Variants in ETV6 observed in about 807,000 individuals in gnomAD.
The protein encoded by ETV6 is ETS variant transcription factor 6, also known as transcription factor ETV6.
Under a neutral mutation model 51.1 loss-of-function variants are expected in ETV6, and 16 were observed. The ratio of observed to expected loss-of-function variants is 0.31; its 90% CI spans 0.21 to 0.48. ETV6 has a LOEUF of 0.48. Among genes scored for constraint, ETV6 ranks in the 20% least tolerant of loss-of-function variants. The pLI is 0.99. For missense variants in ETV6, 458 were observed against 594.8 expected, an observed-to-expected ratio of 0.77 and a Z score of 2.39; for synonymous variants, 240 against 224.1, an observed-to-expected ratio of 1.07 and a Z score of -0.64.
intron 2 of ETV6, among the ~76,000 whole-genome samples, chr12:11,753,658 G>A (rs1473094135): frequency 6.6e-6 from 1 of 152,216 alleles, no homozygotes; most frequent in East Asian, 1.9e-4. Flanking sequence ...AGAGGATGCA[G>A]GTTCTTCCTT....
chr12:11,732,413 C>T (rs1415920424), intron 1 of ETV6, among the ~76,000 whole-genome samples: 1 of 152,142 alleles, frequency 6.6e-6, no homozygotes, highest in East Asian at 1.9e-4. Flanking sequence ...AAGGCCCCTT[C>T]CTGCCCAAAC....
chr12:11,803,863 C>G (rs1209219691), intron 2 of ETV6, among the ~76,000 whole-genome samples: 1 of 152,086 alleles, frequency 6.6e-6, no homozygotes, highest in Non-Finnish European at 1.5e-5. Context: ...CATACTTGCT[C>G]TAAAATAGAC....
At position 11,893,754 on chromosome 12, in the gene ETV6, T is replaced by C. The variant is rs1947334374; in HGVS notation, c.*2708T>C. 1 of 186,080 alleles carries C rather than the reference T, an allele frequency of 5.4e-6. No individual in the cohort carries two copies. The highest frequency in any genetic ancestry group is 1.1e-5 in the Non-Finnish European group (1 of 91,838). 11.5% of individuals were successfully genotyped at this position (186,080 alleles called of 1,614,324 possible). A position where few individuals can be genotyped will look rare whatever the true frequency, so the allele number is the denominator to read the frequency against. ...AGTATATATGAGCCATAAATGAATT[T>C]TGTGTTTAGACTTTGTGTCCATCCC... is the stretch of plus-strand genomic sequence containing the variant. On this transcript the variant is annotated 3_prime_UTR_variant, in exon 8 of 8. Coordinates refer to ENST00000396373, the MANE Select transcript of ETV6 (RefSeq NM_001987.5).
intron 4 of ETV6, among the ~76,000 whole-genome samples, chr12:11,860,657 CATGA>C (rs1946703270): frequency 6.6e-6 from 1 of 151,810 alleles, no homozygotes; most frequent in African/African-American, 2.4e-5. Context: ...TATTCATTAT[CATGA>C]TTCAATATTT....
chr12:11,845,911 G>A (rs1946454540), intron 3 of ETV6, among the ~76,000 whole-genome samples: 1 of 151,520 alleles, frequency 6.6e-6, no homozygotes, highest in African/African-American at 2.4e-5. Flanking sequence ...AGAATCGCTT[G>A]AACCCAGGAG....
intron 1 of ETV6, among the ~76,000 whole-genome samples, chr12:11,688,058 C>T (rs187481939): frequency 1.3e-5 from 2 of 152,124 alleles, no homozygotes; most frequent in South Asian, 2.1e-4. Context: ...GGTTAGCTAA[C>T]AGGCCCAGGG....
intron 2 of ETV6, among the ~76,000 whole-genome samples, chr12:11,835,935 T>A (rs1251455106): frequency 6.6e-6 from 1 of 152,220 alleles, no homozygotes; most frequent in Non-Finnish European, 1.5e-5. Context: ...CTTAAATGCG[T>A]TGGGCCTCAG....
chr12:11,769,273 G>T (rs919937796), intron 2 of ETV6, among the ~76,000 whole-genome samples: 9 of 152,018 alleles, frequency 5.9e-5, no homozygotes, highest in Non-Finnish European at 8.8e-5. Flanking sequence ...ACTTATTTGG[G>T]CATAGATAGT....
intron 1 of ETV6, among the ~76,000 whole-genome samples, chr12:11,743,034 C>T (rs1438694606): frequency 6.6e-6 from 1 of 152,094 alleles, no homozygotes; most frequent in Non-Finnish European, 1.5e-5. Flanking sequence ...TCTCGAACTA[C>T]TGAGCTCGAG....
chr12:11,658,863 G>GA (rs1295786350), intron 1 of ETV6, among the ~76,000 whole-genome samples: 2 of 152,182 alleles, frequency 1.3e-5, no homozygotes, highest in African/African-American at 4.8e-5. Context: ...GAAAGAAAAG[G>GA]AAAAAACCTA....
At chr12:11,831,505 G>A (rs1946245367) in intron 2 of ETV6, among the ~76,000 whole-genome samples, 1 of 152,214 alleles carries the variant, frequency 6.6e-6, no homozygotes, top group African/African-American at 2.4e-5. Context: ...GATTACAGGT[G>A]TGAGCCACCA....
At chr12:11,762,422 G>A (rs78146543) in intron 2 of ETV6, among the ~76,000 whole-genome samples, 1 of 152,170 alleles carries the variant, frequency 6.6e-6, no homozygotes, top group Admixed American at 6.5e-5. Context: ...TTCAGTCTGC[G>A]TTTTTCTCCC....
At chr12:11,888,520 G>A (rs10772512) in intron 7 of ETV6, among the ~76,000 whole-genome samples, 2 of 150,606 alleles carry the variant, frequency 1.3e-5, no homozygotes, top group African/African-American at 2.4e-5. Flanking sequence ...TTATCATGCC[G>A]TAGCTAATAG....
intron 1 of ETV6, among the ~76,000 whole-genome samples, chr12:11,684,736 A>G (rs1365226414): frequency 6.6e-6 from 1 of 152,240 alleles, no homozygotes. Flanking sequence ...CACCTAATAA[A>G]GCTAACGGTC....
intron 1 of ETV6, among the ~76,000 whole-genome samples, chr12:11,726,608 TC>T (rs1865493932): frequency 6.6e-6 from 1 of 151,984 alleles, no homozygotes; most frequent in Non-Finnish European, 1.5e-5. Context: ...TGAAACTTCA[TC>T]CCTAGAAAAA....
At chr12:11,780,118 G>A (rs189941190) in intron 2 of ETV6, among the ~76,000 whole-genome samples, 285 of 152,272 alleles carry the variant, frequency 1.9e-3, no homozygotes, top group Non-Finnish European at 3.5e-3. Context: ...CTTCCACTAA[G>A]TATGTGCTGA....
intron 4 of ETV6, among the ~76,000 whole-genome samples, chr12:11,866,996 G>A (rs1946799019): frequency 1.3e-5 from 2 of 152,186 alleles, no homozygotes; most frequent in Non-Finnish European, 2.9e-5. Context: ...GCACGGACTG[G>A]GGAGGAACAT....
chr12:11,758,609 ACTTT>A (rs1170992579), intron 2 of ETV6, among the ~76,000 whole-genome samples: 1 of 152,060 alleles, frequency 6.6e-6, no homozygotes, highest in Non-Finnish European at 1.5e-5. Flanking sequence ...TCAGTCTGGA[ACTTT>A]CTTCCCGTTC....
intron 2 of ETV6, among the ~76,000 whole-genome samples, chr12:11,833,160 T>C (rs1483768708): frequency 6.6e-6 from 1 of 152,198 alleles, no homozygotes; most frequent in Non-Finnish European, 1.5e-5. Context: ...ATTATAACAA[T>C]AACAGTACAA....
Sources: allele counts gnomAD v4.1 joint callset (sites outside exome capture counted in the v4.1 genomes callset), GRCh38; gene constraint gnomAD v4.1.1; transcripts MANE v1.5; gene names NCBI Gene and HGNC (gene_info 2026-07-23, HGNC 2026-07-21).